The following CSMD1 variants were observed in gnomAD, a reference collection of about 807,000 sequenced individuals.
CSMD1 encodes the protein CUB and Sushi multiple domains 1.
In CSMD1, 213 loss-of-function variants were observed where a neutral mutation model predicts 417.5. The observed-to-expected ratio is 0.51, with a 90% CI of 0.46 to 0.57. The LOEUF (loss-of-function observed/expected upper bound fraction) is 0.57. Ranked by LOEUF, CSMD1 falls within the 20% of genes least tolerant of loss-of-function variation. The probability of loss-of-function intolerance (pLI) is 0.00; values close to 1 mark genes in which losing one functional copy is unlikely to be tolerated. For missense variants in CSMD1, 6,923 were observed against 4,529.7 expected, an observed-to-expected ratio of 1.53 and a Z score of -15.17; for synonymous variants, 2,862 against 1,736.8, an observed-to-expected ratio of 1.65 and a Z score of -16.11.
intron 7 of CSMD1, among the ~76,000 whole-genome samples, chr8:3,622,633 G>C (rs1045326914): frequency 6.6e-6 from 1 of 152,238 alleles, no homozygotes; most frequent in Non-Finnish European, 1.5e-5. Flanking sequence ...ATGGATTGCA[G>C]ATGGTAGAAG....
At chr8:4,399,963 G>A (rs1048094536) in intron 3 of CSMD1, among the ~76,000 whole-genome samples, 3 of 152,136 alleles carry the variant, frequency 2.0e-5, no homozygotes, top group Non-Finnish European at 4.4e-5. Context: ...CTGGACCAAT[G>A]TATTAGCACC....
chr8:4,419,295 C>T (rs1391211739), intron 3 of CSMD1, among the ~76,000 whole-genome samples: 1 of 152,098 alleles, frequency 6.6e-6, no homozygotes, highest in Non-Finnish European at 1.5e-5. Flanking sequence ...ACACATCGGC[C>T]TTTAAAGTAT....
chr8:4,943,427 C>T (rs981773936), intron 1 of CSMD1, among the ~76,000 whole-genome samples: 2 of 151,502 alleles, frequency 1.3e-5, no homozygotes, highest in African/African-American at 2.4e-5. Flanking sequence ...ACCCGGGAGG[C>T]GGAGCTTGCA....
chr8:4,097,899 C>T (rs1312456147), intron 3 of CSMD1, among the ~76,000 whole-genome samples: 2 of 152,092 alleles, frequency 1.3e-5, no homozygotes, highest in African/African-American at 2.4e-5. Flanking sequence ...ATCAGCTGAA[C>T]ATTTGGAAGA....
intron 1 of CSMD1, among the ~76,000 whole-genome samples, chr8:4,664,045 A>C (rs1238677501): frequency 6.6e-6 from 1 of 152,176 alleles, no homozygotes; most frequent in East Asian, 1.9e-4. Context: ...CTACCTCATG[A>C]AATCGCCTCT....
At chr8:3,354,165 A>T (rs918918458) in intron 21 of CSMD1, among the ~76,000 whole-genome samples, 15 of 152,332 alleles carry the variant, frequency 9.8e-5, no homozygotes, top group African/African-American at 3.4e-4. Flanking sequence ...GAAAATATAT[A>T]ACCTCTCAAT....
At chr8:3,101,184 G>A (rs768903229) in intron 46 of CSMD1, among the ~76,000 whole-genome samples, 4 of 151,952 alleles carry the variant, frequency 2.6e-5, no homozygotes, top group Non-Finnish European at 5.9e-5. Context: ...TTTCCAGCCT[G>A]ATTTAATTTA....
chr8:4,083,629 G>A (rs1279339525), intron 3 of CSMD1, among the ~76,000 whole-genome samples: 1 of 152,096 alleles, frequency 6.6e-6, no homozygotes, highest in African/African-American at 2.4e-5. Flanking sequence ...GGGAAAACTG[G>A]CTAGCCATAT....
At chr8:4,330,362 A>G (rs1273149929) in intron 3 of CSMD1, among the ~76,000 whole-genome samples, 4 of 151,860 alleles carry the variant, frequency 2.6e-5, no homozygotes, top group African/African-American at 9.7e-5. Flanking sequence ...TAGGAGGACT[A>G]GTCAGGCAGA....
chr8:4,276,859 C>A (rs147420915), intron 3 of CSMD1, among the ~76,000 whole-genome samples: 7 of 152,174 alleles, frequency 4.6e-5, no homozygotes, highest in African/African-American at 1.7e-4. Context: ...TTTCCTTAAT[C>A]AGAAAATAAG....
intron 18 of CSMD1, among the ~76,000 whole-genome samples, chr8:3,375,776 A>G (rs538870636): frequency 3.3e-5 from 5 of 152,114 alleles, no homozygotes; most frequent in Non-Finnish European, 5.9e-5. Flanking sequence ...TGCAGCATGA[A>G]TCTCTGCCTA....
chr8:3,683,359 C>T (rs905827153), intron 7 of CSMD1, among the ~76,000 whole-genome samples: 2 of 152,048 alleles, frequency 1.3e-5, no homozygotes, highest in African/African-American at 2.4e-5. Flanking sequence ...TATACAACCA[C>T]GAGTGAGCTG....
At chr8:4,941,904 C>T (rs574793051) in intron 1 of CSMD1, among the ~76,000 whole-genome samples, 3 of 152,254 alleles carry the variant, frequency 2.0e-5, no homozygotes, top group Admixed American at 1.3e-4. Context: ...CTGGCCCCAT[C>T]AGCAATTTGA....
chr8:3,446,031 T>C (rs767775852), intron 12 of CSMD1, among the ~76,000 whole-genome samples: 2 of 152,094 alleles, frequency 1.3e-5, no homozygotes, highest in Non-Finnish European at 2.9e-5. Flanking sequence ...CGGGCCCGGA[T>C]TGATAATTAC....
intron 2 of CSMD1, among the ~76,000 whole-genome samples, chr8:4,467,075 G>C (rs1183813567): frequency 7.4e-6 from 1 of 134,230 alleles, no homozygotes; most frequent in Admixed American, 8.1e-5. Flanking sequence ...GATTAGCTTT[G>C]ATTTCTTTTC....
At chr8:3,541,972 A>C (rs28689072) in intron 10 of CSMD1, among the ~76,000 whole-genome samples, 5,971 of 152,064 alleles carry the variant, frequency 0.039, 344 homozygotes, top group African/African-American at 0.12. Context: ...GCCTAGATGG[A>C]GCCACTGCTC....
chr8:4,538,590 C>T (rs1444032055), intron 2 of CSMD1, among the ~76,000 whole-genome samples: 2 of 151,936 alleles, frequency 1.3e-5, no homozygotes, highest in Non-Finnish European at 2.9e-5. Context: ...TTGCAGTGAG[C>T]CGAGATCGCA....
At chr8:4,714,214 G>A (rs370068444) in intron 1 of CSMD1, among the ~76,000 whole-genome samples, 1 of 152,034 alleles carries the variant, frequency 6.6e-6, no homozygotes, top group African/African-American at 2.4e-5. Flanking sequence ...CCGTGTTGAC[G>A]CCTCCTCTGT....
rs753895476 is a variant in CSMD1, at chr8:3,214,698, A to G, written c.4673-7T>C. 1 of 1,547,590 alleles carries G rather than the reference A, an allele frequency of 6.5e-7. No individual in the cohort carries two copies. The highest frequency in any genetic ancestry group is 1.2e-5 in the South Asian group (1 of 83,404). ...CAAGCTTCCCGTGGTTTCTCTGTGG[A>G]AGAAATGAATGTAAACTGCATGAGA... On this transcript the variant is annotated splice_polypyrimidine_tract_variant and splice_region_variant and intron_variant, in intron 29 of 69. Coordinates refer to ENST00000635120, the MANE Select transcript of CSMD1 (RefSeq NM_033225.6).
Sources: gnomAD v4.1 joint callset for allele counts (sites outside exome capture counted in the v4.1 genomes callset) on GRCh38, gnomAD v4.1.1 for gene constraint, MANE v1.5 for transcripts, NCBI Gene and HGNC (gene_info 2026-07-23, HGNC 2026-07-21) for gene names.